AP4E1: variants seen among roughly 807,000 people sequenced by gnomAD.
AP4E1 encodes AP-4 complex subunit epsilon-1.
In AP4E1, 56 loss-of-function variants were observed where a neutral mutation model predicts 128.2. The observed-to-expected ratio is 0.44, with a 90% confidence interval of 0.35 to 0.55. AP4E1 has a LOEUF of 0.55. Among genes scored for constraint, AP4E1 ranks in the 20% least tolerant of loss-of-function variants. The pLI, the probability that AP4E1 is intolerant of heterozygous loss-of-function variation, is 0.00. For synonymous variants in AP4E1, 484 were observed against 473.1 expected, an observed-to-expected ratio of 1.02 and a Z score of -0.30; for missense variants, 1,324 against 1,307.7, an observed-to-expected ratio of 1.01 and a Z score of -0.19.
chr15:50,922,769 T>G (rs550522300), intron 3 of AP4E1, among the ~76,000 whole-genome samples: 1 of 148,836 alleles, frequency 6.7e-6, no homozygotes, highest in South Asian at 2.1e-4. Flanking sequence ...AGAAATTGCC[T>G]TTTTTTGGGT....
chr15:51,002,500 AG>A lies in AP4E1; in HGVS notation c.3254del, dbSNP rs2064976585. On this transcript the variant is annotated splice_acceptor_variant, in intron 20 of 20. Coordinates refer to ENST00000261842, the MANE Select transcript of AP4E1 (RefSeq NM_007347.5). LOFTEE classifies it high-confidence loss of function. ...TCATTTTTCACTTTTGTTTTGTTTT[AG>A]GCAATGAAGGGCTATTGGCCTGTCA... 4 of 1,614,020 alleles carry A rather than the reference AG, an allele frequency of 2.5e-6. No homozygotes were observed. The highest frequency in any genetic ancestry group is 3.4e-6 in the Non-Finnish European group (4 of 1,179,936).
At chr15:50,966,734 A>C (rs1204302990) in intron 14 of AP4E1, among the ~76,000 whole-genome samples, 1 of 151,858 alleles carries the variant, frequency 6.6e-6, no homozygotes, top group Non-Finnish European at 1.5e-5. Context: ...ACGAGGTTTC[A>C]CCATGTTGGT....
At chr15:50,921,045 C>T (rs1244826558) in intron 3 of AP4E1, among the ~76,000 whole-genome samples, 2 of 152,150 alleles carry the variant, frequency 1.3e-5, no homozygotes, top group African/African-American at 4.8e-5. Context: ...TCAGTTGATC[C>T]ACCCACCTTG....
intron 16 of AP4E1, among the ~76,000 whole-genome samples, chr15:50,988,265 G>T (rs1465999754): frequency 6.6e-6 from 1 of 152,086 alleles, no homozygotes; most frequent in Non-Finnish European, 1.5e-5. Flanking sequence ...TGTATGTCTA[G>T]AACTCAGTTC....
chr15:50,951,964 T>C (rs972259184), intron 13 of AP4E1, among the ~76,000 whole-genome samples: 3 of 152,074 alleles, frequency 2.0e-5, no homozygotes, highest in African/African-American at 4.8e-5. Flanking sequence ...CGACCTCAGG[T>C]CATCCACCTG....
intron 13 of AP4E1, among the ~76,000 whole-genome samples, chr15:50,953,105 A>G (rs1481385922): frequency 6.6e-6 from 1 of 152,188 alleles, no homozygotes; most frequent in Non-Finnish European, 1.5e-5. Context: ...TTATAAAGGT[A>G]TCTTTCCTTT....
In AP4E1 at chr15:50,946,129, C is replaced by T. The variant is rs924286959; in HGVS notation, c.1177-1891C>T. 1.9e-5 allele frequency: 10 copies of T among 527,592 alleles called. No individual in the cohort carries two copies. The Admixed American group carries it at 3.8e-4, about 20-fold the overall frequency. The allele number at this position is 527,592 out of a possible 1,614,324, so 32.7% of individuals were successfully genotyped here. A position where few individuals can be genotyped will look rare whatever the true frequency, so the allele number is the denominator to read the frequency against. On this transcript the variant is annotated intron_variant, in intron 10 of 20. Transcript: ENST00000261842. Reference sequence around the variant, plus strand: ...CATGTGTAGAGCTTTATTGTTGCTCCTTTTAGCTACCCTGAAAAATGCCTA... The same window carrying T: ...CATGTGTAGAGCTTTATTGTTGCTCTTTTTAGCTACCCTGAAAAATGCCTA...
rs1331450101 is a variant in AP4E1, at chr15:51,004,923, G to T, written c.*2261G>T. On this transcript the variant is annotated 3_prime_UTR_variant, in exon 21 of 21. Coordinates refer to ENST00000261842, the MANE Select transcript of AP4E1 (RefSeq NM_007347.5). ...TTTGAGACAGAGTTTCACCCTTGTT[G>T]CCCAGGCTAGAGTGTAATGGTGCAA... 3 of 151,268 alleles carry T rather than the reference G, an allele frequency of 2.0e-5. No individual in the cohort carries two copies. The highest frequency in any genetic ancestry group is 2.1e-4 in the South Asian group (1 of 4,796). 9.4% of individuals were successfully genotyped at this position (151,268 alleles called of 1,614,324 possible). A position where few individuals can be genotyped will look rare whatever the true frequency, so the allele number is the denominator to read the frequency against.
rs1481305435 is a variant in AP4E1, at chr15:50,929,167, A to C, written c.701A>C (p.Lys234Thr). 1 of 1,613,610 alleles carries C rather than the reference A, an allele frequency of 6.2e-7. No individual in the cohort carries two copies. Among genetic ancestry groups the C allele is most frequent in the Non-Finnish European group, 8.5e-7 (1 of 1,179,834 alleles). ...TTGCATATATATCTTAGAATGATTA[A>C]GGTAAGTTGGAAATTTTAGCAAGTA... ...ASLHIYLRMI[K>T]ENSSGYKDLT... Residue 234 changes from lysine (K) to threonine (T), a missense_variant and splice_region_variant, in exon 6 of 21, where the codon AAG (lysine) becomes ACG (threonine). Lys to Thr is a moderately conservative substitution (Grantham distance 78). Transcript: ENST00000261842.
intron 14 of AP4E1, among the ~76,000 whole-genome samples, chr15:50,962,889 C>CAAA (rs71127168): frequency 0.13 from 4,962 of 38,764 alleles, 751 homozygotes; most frequent in Admixed American, 0.17. Flanking sequence ...AATTCAACAG[C>CAAA]AAAAAAAAAA....
At chr15:50,988,386 T>C (rs1296762571) in intron 16 of AP4E1, among the ~76,000 whole-genome samples, 1 of 129,356 alleles carries the variant, frequency 7.7e-6, no homozygotes, top group Non-Finnish European at 1.8e-5. Context: ...ATGATCTCGA[T>C]TCACTGCAAC....
chr15:50,999,918 T>G (rs2064937702), intron 19 of AP4E1, among the ~76,000 whole-genome samples: 1 of 144,740 alleles, frequency 6.9e-6, no homozygotes, highest in African/African-American at 2.6e-5. Flanking sequence ...ACATGCAGTT[T>G]TTACCATTAT....
intron 13 of AP4E1, among the ~76,000 whole-genome samples, chr15:50,954,321 T>C (rs1310331991): frequency 6.6e-6 from 1 of 152,248 alleles, no homozygotes; most frequent in Non-Finnish European, 1.5e-5. Flanking sequence ...AAAATTGCTG[T>C]TAATTCTGCT....
rs1225569012 is a variant in AP4E1 at position 51,005,801 on chromosome 15, A to T, written c.*3139A>T. ...ATTTTAGGAGAGAAAAATACAAGTG[A>T]ATAATTATTTAATAGGCATTTATTA... On this transcript the variant is annotated 3_prime_UTR_variant, in exon 21 of 21. Coordinates refer to ENST00000261842, the MANE Select transcript of AP4E1 (RefSeq NM_007347.5). 6 of 152,656 alleles carry T rather than the reference A, an allele frequency of 3.9e-5. No homozygotes were observed. Among genetic ancestry groups the T allele is most frequent in the African/African-American group, 1.4e-4 (6 of 41,464 alleles). 9.5% of individuals were successfully genotyped at this position (152,656 alleles called of 1,614,324 possible).
chr15:50,924,470 A>G (rs1807513663), intron 4 of AP4E1, among the ~76,000 whole-genome samples: 1 of 152,130 alleles, frequency 6.6e-6, no homozygotes, highest in Non-Finnish European at 1.5e-5. Context: ...CACTCACAAT[A>G]TTTTCTGTTA....
chr15:50,950,217 A>G (rs574440724), intron 13 of AP4E1, 48 bp downstream of exon 13: 2 of 1,269,650 alleles, frequency 1.6e-6, no homozygotes, highest in South Asian at 2.5e-5. Context: ...TTTTTAATAC[A>G]AACCAAATGT....
intron 13 of AP4E1, among the ~76,000 whole-genome samples, chr15:50,953,372 AC>A (rs1216485553): frequency 2.0e-5 from 3 of 152,120 alleles, no homozygotes; most frequent in Non-Finnish European, 4.4e-5. Flanking sequence ...AGTTTTAGTT[AC>A]CTGTGGCCAG....
chr15:51,002,077 C>T (rs1354459598), intron 20 of AP4E1, among the ~76,000 whole-genome samples: 5 of 152,060 alleles, frequency 3.3e-5, no homozygotes, highest in Non-Finnish European at 7.4e-5. Flanking sequence ...GATGGGGTTT[C>T]ACCATATTGC....
At chr15:50,907,711 T>C (rs2063504434), upstream of AP4E1, among the ~76,000 whole-genome samples, 1 of 152,110 alleles carries the variant, frequency 6.6e-6, no homozygotes, top group South Asian at 2.1e-4. Flanking sequence ...CTCTGTACAT[T>C]TCCAACAGAA....
Sources: gnomAD v4.1 joint callset for allele counts (sites outside exome capture counted in the v4.1 genomes callset) on GRCh38, gnomAD v4.1.1 for gene constraint, MANE v1.5 for transcripts, NCBI Gene and HGNC (gene_info 2026-07-23, HGNC 2026-07-21) for gene names.